RAD17: variants seen among roughly 807,000 people sequenced by gnomAD.
RAD17 encodes cell cycle checkpoint protein RAD17.
RAD17 carries 31 observed loss-of-function variants against 81.5 expected under a neutral mutation model. The observed-to-expected ratio is 0.38, with a 90% CI of 0.29 to 0.51. The LOEUF is 0.51. Ranked by LOEUF, RAD17 falls within the 20% of genes least tolerant of loss-of-function variation. RAD17 has a pLI of 0.88. For missense variants in RAD17, 681 were observed against 781.2 expected, an observed-to-expected ratio of 0.87 and a Z score of 1.53; for synonymous variants, 261 against 266.2, an observed-to-expected ratio of 0.98 and a Z score of 0.19.
At chr5:69,411,486 T>G (rs1765997173) in intron 18 of RAD17, among the ~76,000 whole-genome samples, 2 of 152,190 alleles carry the variant, frequency 1.3e-5, no homozygotes, top group South Asian at 4.1e-4. Flanking sequence ...CACCTCTGAC[T>G]CCTCCTACCT....
chr5:69,378,181 A>C (rs1763632930), intron 6 of RAD17, among the ~76,000 whole-genome samples: 1 of 152,196 alleles, frequency 6.6e-6, no homozygotes, highest in Admixed American at 6.5e-5. Context: ...AATTGGTAAG[A>C]TCTAGATTTA....
At chr5:69,395,503 C>T (rs776620106) in intron 15 of RAD17, among the ~76,000 whole-genome samples, 6 of 152,024 alleles carry the variant, frequency 3.9e-5, no homozygotes, top group Non-Finnish European at 8.8e-5. Context: ...CAGACTGAGA[C>T]CCTATTTTAA....
intron 4 of RAD17, 113 bp from the exon 5 acceptor site, chr5:69,373,699 TTTTTTTTTTTTTTTTTTA>T: frequency 1.8e-6 from 1 of 541,402 alleles, no homozygotes; most frequent in Non-Finnish European, 2.6e-6. Context: ...TTTTTTTTTT[TTTTTTTTTTTTTTTTTTA>T]AGTTTTAAAG....
At chr5:69,402,368 T>C (rs1765326103) in intron 17 of RAD17, among the ~76,000 whole-genome samples, 1 of 151,836 alleles carries the variant, frequency 6.6e-6, no homozygotes, top group Non-Finnish European at 1.5e-5. Context: ...TTAAACTTTA[T>C]TTTGAAATTA....
rs778918608 is a variant in RAD17 at position 69,393,394 on chromosome 5, A to G, written c.1316A>G (p.Asn439Ser). The G allele has an allele frequency of 1.6e-5, 26 of 1,601,688 alleles. No individual in the cohort carries two copies. The highest frequency in any genetic ancestry group is 6.9e-5 in the Admixed American group (4 of 57,782). ...TCACACATGCCTGGAGACTTATTTA[A>G]TTTATATCTTCACCAAAACTACATA... is the stretch of plus-strand genomic sequence containing the variant. Reference protein sequence around the residue: ...EMSHMPGDLFNLYLHQNYIDF... With the variant: ...EMSHMPGDLFSLYLHQNYIDF... The change falls in exon 15 of 19, where the codon AAT (asparagine) becomes AGT (serine). Residue 439 changes from asparagine (N) to serine (S), a missense_variant. Asn to Ser is a conservative substitution (Grantham distance 46). Coordinates refer to ENST00000354868, the MANE Select transcript of RAD17 (RefSeq NM_133338.3).
Position 69,414,141 on chromosome 5 carries a change from C to T in RAD17, c.1862C>T (p.Pro621Leu). 1 of 1,614,178 alleles carries T rather than the reference C, an allele frequency of 6.2e-7. No individual in the cohort carries two copies. Among genetic ancestry groups the T allele is most frequent in the South Asian group, 1.1e-5 (1 of 91,088 alleles). The stretch of plus-strand genomic sequence containing the variant: ...TCTGCAGAGGAATCTCTGGGTGAAC[C>T]CACTCAAGCCACTGTGCCGGAAACC... Reference protein sequence around the residue: ...GHSAEESLGEPTQATVPETWS... With the variant: ...GHSAEESLGELTQATVPETWS... The change falls in exon 19 of 19, where the codon CCC becomes CTC. Residue 621 changes from proline (P) to leucine (L), a missense_variant. Pro to Leu is a moderately conservative substitution (Grantham distance 98). Coordinates refer to ENST00000354868, the MANE Select transcript of RAD17 (RefSeq NM_133338.3).
chr5:69,369,589 A>C, upstream of RAD17: 2 of 1,597,994 alleles, frequency 1.3e-6, no homozygotes, highest in Non-Finnish European at 1.7e-6. Context: ...CCACGGCCCC[A>C]AAGGCCCCGA....
intron 13 of RAD17, 52 bp from the exon 14 acceptor site, chr5:69,393,103 A>G (rs2150835543): frequency 2.4e-6 from 3 of 1,246,234 alleles, no homozygotes; most frequent in Non-Finnish European, 2.3e-6. Flanking sequence ...GAGAGGTGCT[A>G]TATAATTATA....
chr5:69,386,155 A>T, intron 9 of RAD17, 25 bp from the exon 10 acceptor site: 1 of 1,600,458 alleles, frequency 6.2e-7, no homozygotes, highest in Non-Finnish European at 8.5e-7. Context: ...TTAAATTTCA[A>T]CATTGCTGTA....
chr5:69,386,118 A>G lies in RAD17; in HGVS notation c.698+23A>G, dbSNP rs375402120. ...AAGGTAGGTTTCAGTGAAGTATTCTAAAACTCCAAATTAAATGAGAAGTGG... is the reference window on the plus strand; with the variant it reads ...AAGGTAGGTTTCAGTGAAGTATTCTGAAACTCCAAATTAAATGAGAAGTGG... On this transcript the variant is annotated intron_variant, in intron 9 of 18. Coordinates refer to ENST00000354868, the MANE Select transcript of RAD17 (RefSeq NM_133338.3). 7.0e-5 allele frequency: 112 copies of G among 1,602,118 alleles called. No homozygotes were observed. The Middle Eastern group carries it at 8.3e-4, about 12-fold the overall frequency.
chr5:69,386,776 C>G (rs559490234), intron 11 of RAD17, among the ~76,000 whole-genome samples: 9 of 152,216 alleles, frequency 5.9e-5, no homozygotes, highest in African/African-American at 2.2e-4. Context: ...CAATTCAACT[C>G]TTCCTATTGT....
At chr5:69,407,575 T>TTTG (rs1765696223) in intron 17 of RAD17, among the ~76,000 whole-genome samples, 3 of 127,538 alleles carry the variant, frequency 2.4e-5, no homozygotes, top group Non-Finnish European at 5.0e-5. Flanking sequence ...TTTTTTTTTT[T>TTTG]TTTTTTTTTT....
chr5:69,371,279 G>A (rs1267852315), intron 2 of RAD17, 108 bp downstream of exon 2: 2 of 502,054 alleles, frequency 4.0e-6, no homozygotes, highest in South Asian at 2.2e-5. Context: ...TACAGTTATA[G>A]TCATTAAAAT....
At chr5:69,390,840 G>A (rs1392448470) in intron 12 of RAD17, among the ~76,000 whole-genome samples, 1 of 151,160 alleles carries the variant, frequency 6.6e-6, no homozygotes, top group Non-Finnish European at 1.5e-5. Context: ...TGTAGTCCCG[G>A]CTACTTGAGA....
rs752797808 is a variant in RAD17, at chr5:69,382,058, G to A, written c.508+1G>A. The A allele has an allele frequency of 1.2e-6, 2 of 1,611,160 alleles. No homozygotes were observed. Among genetic ancestry groups the A allele is most frequent in the Non-Finnish European group, 1.7e-6 (2 of 1,178,292 alleles). On this transcript the variant is annotated splice_donor_variant, in intron 7 of 18. Transcript: ENST00000354868. LOFTEE classifies it high-confidence loss of function. ...GATTTCAAGGGGATGTTTAATACTGGTAAGATTTGCTGTGAAGGTAGTAGA... is the reference window on the plus strand; with the variant it reads ...GATTTCAAGGGGATGTTTAATACTGATAAGATTTGCTGTGAAGGTAGTAGA...
intron 16 of RAD17, among the ~76,000 whole-genome samples, chr5:69,398,578 C>T (rs547990288): frequency 4.0e-5 from 6 of 151,856 alleles, no homozygotes; most frequent in Admixed American, 2.0e-4. Flanking sequence ...GAGGCTGAGG[C>T]GGGCAGAACA....
At chr5:69,385,777 G>C (rs1764173984) in intron 8 of RAD17, among the ~76,000 whole-genome samples, 1 of 152,062 alleles carries the variant, frequency 6.6e-6, no homozygotes, top group African/African-American at 2.4e-5. Flanking sequence ...TTTAAGTATA[G>C]AAAAACAAAA....
chr5:69,407,734 G>T (rs114410320), intron 17 of RAD17, among the ~76,000 whole-genome samples: 50 of 151,940 alleles, frequency 3.3e-4, no homozygotes, highest in African/African-American at 1.2e-3. Flanking sequence ...GTGCCGCTAT[G>T]CCCGGCGGGG....
At position 69,377,484 on chromosome 5, in the gene RAD17, CACAT is replaced by C. The variant is rs1409857237; in HGVS notation, c.351+2775_351+2778del. On this transcript the variant is annotated intron_variant, in intron 6 of 18. Coordinates refer to ENST00000354868, the MANE Select transcript of RAD17 (RefSeq NM_133338.3). ...ATATATATATATATATACACACACA[CACAT>C]ATATATACGTATATATATGTATATA... Among the ~76,000 whole-genome samples, 309 of 67,670 alleles carry C rather than the reference CACAT, an allele frequency of 4.6e-3. 11 individuals carry two copies. The highest frequency in any genetic ancestry group is 0.029 in the Middle Eastern group (3 of 104). The allele number at this position is 67,670 out of a possible 152,430, so 44.4% of individuals were successfully genotyped here. A position where few individuals can be genotyped will look rare whatever the true frequency, so the allele number is the denominator to read the frequency against.
Sources: allele counts gnomAD v4.1 joint callset (sites outside exome capture counted in the v4.1 genomes callset), GRCh38; gene constraint gnomAD v4.1.1; transcripts MANE v1.5; gene names NCBI Gene and HGNC (gene_info 2026-07-23, HGNC 2026-07-21).